Variants in FGF14 observed in about 807,000 individuals in gnomAD.
FGF14 encodes fibroblast growth factor homologous factor 4.
In FGF14, 5 loss-of-function variants were observed where a neutral mutation model predicts 25.5. The ratio of observed to expected loss-of-function variants is 0.20; its 90% CI spans 0.10 to 0.41. FGF14 has a LOEUF of 0.41. FGF14 is among the 10% of genes least tolerant of loss of function. The probability of loss-of-function intolerance (pLI) is 1.00; values close to 1 mark genes in which losing one functional copy is unlikely to be tolerated. For missense variants in FGF14, 222 were observed against 320.1 expected (o/e 0.69, Z 2.34); for synonymous variants, 138 against 118.3 (o/e 1.17, Z -1.08).
At chr13:101,904,090 G>T (rs1490343873) in intron 1 of FGF14, among the ~76,000 whole-genome samples, 1 of 152,200 alleles carries the variant, frequency 6.6e-6, no homozygotes, top group Non-Finnish European at 1.5e-5. Context: ...AGAACTGAAA[G>T]CTGAGAGGCA....
At chr13:101,783,767 A>T (rs1566896235) in intron 3 of FGF14, among the ~76,000 whole-genome samples, 1 of 152,086 alleles carries the variant, frequency 6.6e-6, no homozygotes, top group African/African-American at 2.4e-5. Context: ...CATTGCCCTA[A>T]ATGGTGTTGC....
At chr13:101,738,824 GA>G (rs1317818432) in intron 3 of FGF14, among the ~76,000 whole-genome samples, 1 of 151,110 alleles carries the variant, frequency 6.6e-6, no homozygotes, top group Non-Finnish European at 1.5e-5. Flanking sequence ...AAAGTGGGAA[GA>G]ATCATAATAT....
chr13:101,962,546 G>GA (rs530053085), intron 1 of FGF14, among the ~76,000 whole-genome samples: 53 of 151,018 alleles, frequency 3.5e-4, no homozygotes, highest in Middle Eastern at 3.4e-3. Flanking sequence ...GGGAATATCA[G>GA]AAAAAAAACA....
At chr13:101,946,208 T>C (rs2139354735) in intron 1 of FGF14, among the ~76,000 whole-genome samples, 1 of 152,082 alleles carries the variant, frequency 6.6e-6, no homozygotes, top group African/African-American at 2.4e-5. Flanking sequence ...TCTTTCACCC[T>C]CAGGACTCCC....
At chr13:102,260,490 T>C (rs778487075) in intron 1 of FGF14, among the ~76,000 whole-genome samples, 6 of 152,350 alleles carry the variant, frequency 3.9e-5, no homozygotes, top group South Asian at 4.1e-4. Flanking sequence ...GATGGTTCCA[T>C]GGGGAGTATC....
chr13:102,287,471 A>T (rs760345141), intron 1 of FGF14, among the ~76,000 whole-genome samples: 1 of 152,200 alleles, frequency 6.6e-6, no homozygotes, highest in Non-Finnish European at 1.5e-5. Flanking sequence ...AAACATCTCT[A>T]TTAAGGCCAT....
chr13:101,902,044 G>A (rs956461068), intron 1 of FGF14, among the ~76,000 whole-genome samples: 2 of 152,086 alleles, frequency 1.3e-5, no homozygotes, highest in African/African-American at 4.8e-5. Flanking sequence ...GATGAGCTAA[G>A]ATATTGGTTG....
chr13:102,252,960 GT>G (rs1311790158), intron 1 of FGF14, among the ~76,000 whole-genome samples: 1 of 152,056 alleles, frequency 6.6e-6, no homozygotes, highest in African/African-American at 2.4e-5. Context: ...GAGAATGATG[GT>G]TTCCAGCTCC....
chr13:102,200,918 T>C lies in FGF14; in HGVS notation c.208+200553A>G, dbSNP rs375154246. Among the ~76,000 whole-genome samples the C allele has an allele frequency of 7.9e-4, 120 of 151,794 alleles. No individual in the cohort carries two copies. In the South Asian group the frequency reaches 0.013, roughly 16 times the overall value. On this transcript the variant is annotated intron_variant, in intron 1 of 4. Transcript: ENST00000376131. ...GAGATCGAGACCATCTTGGCTAACA[T>C]GGTGAAACCCCGTCTCTACTAAAAA...
intron 3 of FGF14, among the ~76,000 whole-genome samples, chr13:101,805,597 A>G (rs545823371): frequency 1.3e-5 from 2 of 152,320 alleles, no homozygotes; most frequent in East Asian, 3.9e-4. Flanking sequence ...AAAGATTTGT[A>G]TGCAAGCAAT....
chr13:102,329,742 G>A (rs1270623976), intron 1 of FGF14, among the ~76,000 whole-genome samples: 1 of 152,014 alleles, frequency 6.6e-6, no homozygotes, highest in African/African-American at 2.4e-5. Flanking sequence ...CCCCTGCTCA[G>A]ATCAACACCT....
At chr13:101,753,434 T>G (rs960781546) in intron 3 of FGF14, among the ~76,000 whole-genome samples, 1 of 152,146 alleles carries the variant, frequency 6.6e-6, no homozygotes, top group Non-Finnish European at 1.5e-5. Flanking sequence ...ATTGATTTGC[T>G]TTTTTGGATT....
intron 3 of FGF14, among the ~76,000 whole-genome samples, chr13:101,836,941 A>T (rs1194733029): frequency 2.6e-5 from 4 of 152,004 alleles, no homozygotes; most frequent in Non-Finnish European, 5.9e-5. Flanking sequence ...ATTCACCCAC[A>T]ATTTTTTAAT....
chr13:102,140,605 T>C (rs1229113681), intron 1 of FGF14, among the ~76,000 whole-genome samples: 1 of 152,000 alleles, frequency 6.6e-6, no homozygotes, highest in Non-Finnish European at 1.5e-5. Flanking sequence ...AATAGGAAAA[T>C]CCAAGGTATT....
At chr13:102,393,687 G>T (rs1413994257) in intron 1 of FGF14, 1 of 152,194 alleles carries the variant, frequency 6.6e-6, no homozygotes, top group Non-Finnish European at 1.5e-5. Flanking sequence ...ATTCTATGAA[G>T]CGCATGAGGA....
chr13:101,771,094 A>T (rs2038740792), intron 3 of FGF14, among the ~76,000 whole-genome samples: 1 of 152,106 alleles, frequency 6.6e-6, no homozygotes, highest in African/African-American at 2.4e-5. Flanking sequence ...AGGATGCTTA[A>T]TGCTTAAATA....
intron 1 of FGF14, among the ~76,000 whole-genome samples, chr13:102,314,513 T>C (rs1455217565): frequency 6.6e-6 from 1 of 152,180 alleles, no homozygotes; most frequent in Non-Finnish European, 1.5e-5. Context: ...TTCCAGATAC[T>C]GTACTAGATA....
chr13:102,260,069 G>T (rs1268865578), intron 1 of FGF14, among the ~76,000 whole-genome samples: 1 of 152,106 alleles, frequency 6.6e-6, no homozygotes, highest in Non-Finnish European at 1.5e-5. Flanking sequence ...GCAAGAAAGA[G>T]CGGGGAGGAG....
chr13:101,972,628 A>T (rs1186041253), intron 1 of FGF14, among the ~76,000 whole-genome samples: 2 of 151,964 alleles, frequency 1.3e-5, no homozygotes, highest in Non-Finnish European at 2.9e-5. Context: ...GACTCATTTC[A>T]ATCTTATTGA....
Sources: gnomAD v4.1 joint callset for allele counts (sites outside exome capture counted in the v4.1 genomes callset) on GRCh38, gnomAD v4.1.1 for gene constraint, MANE v1.5 for transcripts, NCBI Gene and HGNC (gene_info 2026-07-23, HGNC 2026-07-21) for gene names.